UNC13B: variants seen among roughly 807,000 people sequenced by gnomAD.
The protein encoded by UNC13B is unc-13 homolog B.
Under a neutral mutation model 211.0 loss-of-function variants are expected in UNC13B, and 144 were observed. The ratio of observed to expected loss-of-function variants is 0.68; its 90% CI spans 0.60 to 0.78. The LOEUF (loss-of-function observed/expected upper bound fraction) is 0.78, where lower values mean the gene tolerates loss of function less well. UNC13B is among the 30% of genes least tolerant of loss of function. The pLI, the probability that UNC13B is intolerant of heterozygous loss-of-function variation, is 0.00. For missense variants in UNC13B, 1,777 were observed against 2,002.0 expected, an observed-to-expected ratio of 0.89 and a Z score of 2.14; for synonymous variants, 709 against 725.8, an observed-to-expected ratio of 0.98 and a Z score of 0.37.
intron 1 of UNC13B, among the ~76,000 whole-genome samples, chr9:35,184,227 G>T (rs868248812): frequency 6.6e-6 from 1 of 151,668 alleles, no homozygotes; most frequent in East Asian, 2.0e-4. Flanking sequence ...CTTCCCAGAC[G>T]GGGCGGCTGG....
intron 11 of UNC13B, among the ~76,000 whole-genome samples, chr9:35,358,690 A>ATTT (rs918370577): frequency 4.9e-4 from 53 of 108,680 alleles, no homozygotes; most frequent in African/African-American, 1.2e-3. Flanking sequence ...TAGGTCTATG[A>ATTT]TTTTTTTTTT....
intron 26 of UNC13B, among the ~76,000 whole-genome samples, chr9:35,394,750 T>C (rs9987526): frequency 0.026 from 4,005 of 152,144 alleles, 180 homozygotes; most frequent in African/African-American, 0.089. Flanking sequence ...AGGTTATGGA[T>C]TGGCCTTTCT....
At chr9:35,351,126 G>A (rs1832693285) in intron 11 of UNC13B, among the ~76,000 whole-genome samples, 1 of 152,226 alleles carries the variant, frequency 6.6e-6, no homozygotes, top group Non-Finnish European at 1.5e-5. Context: ...AAGCTAATGA[G>A]AAACAACTGA....
intron 12 of UNC13B, among the ~76,000 whole-genome samples, chr9:35,367,307 A>G (rs55651306): frequency 0.016 from 2,430 of 152,310 alleles, 56 homozygotes; most frequent in African/African-American, 0.051. Flanking sequence ...AGTAGAACAA[A>G]GAGGAAATTA....
intron 19 of UNC13B, 144 bp downstream of exon 19, chr9:35,381,359 G>A (rs558034921): frequency 2.0e-4 from 196 of 975,780 alleles, no homozygotes; most frequent in Non-Finnish European, 2.7e-4. Flanking sequence ...GAGAGTCCGA[G>A]TGACTGAACT....
chr9:35,366,522 G>C (rs1833781050), intron 11 of UNC13B, among the ~76,000 whole-genome samples: 1 of 152,100 alleles, frequency 6.6e-6, no homozygotes, highest in South Asian at 2.1e-4. Flanking sequence ...TCTGACTCTG[G>C]GACATTAAGG....
chr9:35,348,768 T>C (rs960670236), intron 11 of UNC13B, among the ~76,000 whole-genome samples: 1 of 152,204 alleles, frequency 6.6e-6, no homozygotes, highest in Non-Finnish European at 1.5e-5. Flanking sequence ...ATGAGGAAAC[T>C]AATTCACATA....
rs149028422 is a variant in UNC13B, at chr9:35,360,059, G to T, written c.9415-6888G>T. ...TGCTCTCACCTCAGGCTTTGCATTT[G>T]CTATATGTTCTTCCGAAAATACTTT... On this transcript the variant is annotated intron_variant, in intron 11 of 39. Coordinates refer to ENST00000635942, the MANE Select transcript of UNC13B (RefSeq NM_001371189.2). Among the ~76,000 whole-genome samples, 9 of 152,290 alleles carry T rather than the reference G, an allele frequency of 5.9e-5. No homozygotes were observed. The East Asian group carries it at 1.7e-3, about 29-fold the overall frequency.
intron 11 of UNC13B, among the ~76,000 whole-genome samples, chr9:35,314,786 A>C (rs1468433716): frequency 7.1e-6 from 1 of 141,724 alleles, no homozygotes; most frequent in Admixed American, 7.0e-5. Context: ...GAGACCATGC[A>C]GTATCCCATG....
At chr9:35,392,077 C>G (rs1201104036) in intron 26 of UNC13B, among the ~76,000 whole-genome samples, 1 of 152,174 alleles carries the variant, frequency 6.6e-6, no homozygotes, top group African/African-American at 2.4e-5. Flanking sequence ...GTCCAAACTA[C>G]TTAATTTTTA....
chr9:35,337,051 C>G lies in UNC13B; in HGVS notation c.9414+23062C>G, dbSNP rs371773896. Among the ~76,000 whole-genome samples the G allele has an allele frequency of 6.4e-4, 96 of 150,986 alleles. 1 individual carries two copies. The South Asian group carries it at 0.016, about 24-fold the overall frequency. ...GAAGCCAAATTCCTCTAGACATGGG[C>G]AGGTCAAGAAAGAACTTTGATAACA... On this transcript the variant is annotated intron_variant, in intron 11 of 39. Transcript: ENST00000635942.
At chr9:35,317,584 A>G (rs944752) in intron 11 of UNC13B, among the ~76,000 whole-genome samples, 52,342 of 140,738 alleles carry the variant, frequency 0.37, 9,827 homozygotes, top group African/African-American at 0.48. Flanking sequence ...ATGCAGTGGT[A>G]TGATCTCGGC....
chr9:35,285,615 G>A (rs942357844), intron 7 of UNC13B, among the ~76,000 whole-genome samples: 1 of 152,148 alleles, frequency 6.6e-6, no homozygotes, highest in African/African-American at 2.4e-5. Context: ...TTCTCAGGAG[G>A]CTAGGGTAGG....
At chr9:35,321,365 C>T (rs747471614) in intron 11 of UNC13B, among the ~76,000 whole-genome samples, 32 of 152,056 alleles carry the variant, frequency 2.1e-4, no homozygotes, top group African/African-American at 7.5e-4. Flanking sequence ...GGACTACAGG[C>T]GTGTGCCACC....
intron 11 of UNC13B, chr9:35,352,743 G>C: frequency 8.1e-7 from 1 of 1,232,208 alleles, no homozygotes; most frequent in Non-Finnish European, 1.0e-6. Context: ...CAAGTTATCA[G>C]TGGCAGCTGT....
intron 1 of UNC13B, among the ~76,000 whole-genome samples, chr9:35,188,742 A>G (rs562541157): frequency 2.8e-4 from 43 of 152,232 alleles, no homozygotes; most frequent in Non-Finnish European, 6.2e-4. Flanking sequence ...AAATGACTCA[A>G]AAGGCAAAAA....
At position 35,271,256 on chromosome 9, in the gene UNC13B, T is replaced by G. The variant is rs117496937; in HGVS notation, c.526+12206T>G. Among the ~76,000 whole-genome samples, 1,058 of 152,250 alleles carry G rather than the reference T, an allele frequency of 6.9e-3. 6 individuals are homozygous for G. The highest frequency in any genetic ancestry group is 0.037 in the Middle Eastern group (11 of 294). On this transcript the variant is annotated intron_variant, in intron 7 of 39. Transcript: ENST00000635942. The stretch of plus-strand genomic sequence containing the variant: ...ATTACTTTCCTTCCTTTTAGCAGAT[T>G]AGATTTTATATATTCACATTAGAAA...
At chr9:35,196,921 C>T (rs563016308) in intron 1 of UNC13B, among the ~76,000 whole-genome samples, 31 of 152,090 alleles carry the variant, frequency 2.0e-4, no homozygotes, top group African/African-American at 6.7e-4. Context: ...CAGGCATGTG[C>T]CACCATGCCC....
intron 1 of UNC13B, among the ~76,000 whole-genome samples, chr9:35,176,933 T>C (rs1156531970): frequency 6.6e-6 from 1 of 151,908 alleles, no homozygotes; most frequent in Non-Finnish European, 1.5e-5. Context: ...GGCCTTGCAG[T>C]GGGAGAAGGA....
Sources: gnomAD v4.1 joint callset for allele counts (sites outside exome capture counted in the v4.1 genomes callset) on GRCh38, gnomAD v4.1.1 for gene constraint, MANE v1.5 for transcripts, NCBI Gene and HGNC (gene_info 2026-07-23, HGNC 2026-07-21) for gene names.